The following SOS1 variants were observed in gnomAD, a reference collection of about 807,000 sequenced individuals.
SOS1 encodes SOS Ras/Rac guanine nucleotide exchange factor 1, also known as son of sevenless homolog 1.
Under a neutral mutation model 157.6 loss-of-function variants are expected in SOS1, and 25 were observed. That is an observed-to-expected ratio of 0.16 (90% CI 0.12 to 0.22). The LOEUF is 0.22. Among genes scored for constraint, SOS1 ranks in the 10% least tolerant of loss-of-function variants. SOS1 has a pLI of 1.00. For synonymous variants in SOS1, 528 were observed against 534.0 expected (o/e 0.99, Z 0.16); for missense variants, 1,237 against 1,599.1 (o/e 0.77, Z 3.86).
intron 1 of SOS1, among the ~76,000 whole-genome samples, chr2:39,107,702 T>C (rs959212930): frequency 2.6e-5 from 4 of 151,122 alleles, no homozygotes; most frequent in African/African-American, 9.7e-5. Context: ...TTACATTAAC[T>C]ATTTCTAAAA....
At chr2:39,047,858 G>A (rs867724245) in intron 6 of SOS1, among the ~76,000 whole-genome samples, 12 of 152,124 alleles carry the variant, frequency 7.9e-5, no homozygotes, top group African/African-American at 2.7e-4. Context: ...AATAGAGACA[G>A]GGTTTCACCA....
intron 11 of SOS1, 66 bp downstream of exon 11, chr2:39,014,699 G>C (rs1368110211): frequency 3.6e-6 from 3 of 838,854 alleles, no homozygotes; most frequent in African/African-American, 3.5e-5. Flanking sequence ...TTTCTGAAAA[G>C]GATCTTAGCT....
chr2:39,008,600 G>T (rs778001502), intron 15 of SOS1, among the ~76,000 whole-genome samples: 2 of 152,166 alleles, frequency 1.3e-5, no homozygotes, highest in Non-Finnish European at 2.9e-5. Context: ...ACGGCTGAGA[G>T]GAGCCCTCCT....
chr2:39,041,658 G>C (rs1372564784), intron 6 of SOS1, among the ~76,000 whole-genome samples: 1 of 152,092 alleles, frequency 6.6e-6, no homozygotes, highest in Non-Finnish European at 1.5e-5. Flanking sequence ...ATCTTACATT[G>C]TCTTTGATCC....
chr2:39,071,359 G>A (rs1287511765), intron 1 of SOS1, among the ~76,000 whole-genome samples: 1 of 152,100 alleles, frequency 6.6e-6, no homozygotes, highest in Non-Finnish European at 1.5e-5. Flanking sequence ...TACTTATATA[G>A]TGGGCTTCCA....
At chr2:39,093,412 A>G (rs1200893374) in intron 1 of SOS1, among the ~76,000 whole-genome samples, 1 of 152,226 alleles carries the variant, frequency 6.6e-6, no homozygotes, top group Non-Finnish European at 1.5e-5. Context: ...CACTTCCACC[A>G]AGACATAAGA....
intron 2 of SOS1, among the ~76,000 whole-genome samples, chr2:39,059,333 A>G (rs999158374): frequency 1.3e-5 from 2 of 152,214 alleles, no homozygotes; most frequent in Non-Finnish European, 2.9e-5. Context: ...TAGTTTCTTT[A>G]AAGTCCTCCC....
chr2:39,005,073 G>C (rs1243886671), intron 17 of SOS1, among the ~76,000 whole-genome samples: 2 of 151,958 alleles, frequency 1.3e-5, no homozygotes, highest in African/African-American at 4.8e-5. Flanking sequence ...GATCCCCAGT[G>C]GATACCTGAA....
intron 15 of SOS1, chr2:39,007,481 G>T: frequency 2.8e-6 from 1 of 363,242 alleles, no homozygotes; most frequent in East Asian, 5.5e-5. Flanking sequence ...ACTATCTTGT[G>T]GAATGTATGG....
chr2:38,995,687 T>C (rs1302584291), intron 19 of SOS1, among the ~76,000 whole-genome samples: 1 of 152,220 alleles, frequency 6.6e-6, no homozygotes, highest in Non-Finnish European at 1.5e-5. Flanking sequence ...ATGTATTGTA[T>C]ATTTCCCTGG....
At chr2:39,024,587 G>A (rs1400422744) in intron 8 of SOS1, among the ~76,000 whole-genome samples, 1 of 151,906 alleles carries the variant, frequency 6.6e-6, no homozygotes, top group Non-Finnish European at 1.5e-5. Flanking sequence ...AGAGAACGAT[G>A]CAATATAGTA....
chr2:39,124,147 T>A (rs1219941498), upstream of SOS1: 2 of 152,308 alleles, frequency 1.3e-5, no homozygotes, highest in Non-Finnish European at 2.9e-5. Context: ...CCATCACCCC[T>A]GTACTGCTTG....
intron 1 of SOS1, among the ~76,000 whole-genome samples, chr2:39,115,246 C>G (rs890560964): frequency 2.0e-5 from 3 of 152,058 alleles, no homozygotes; most frequent in Non-Finnish European, 2.9e-5. Flanking sequence ...TAAAAAGCCT[C>G]TCCCTAAACA....
Position 39,035,315 on chromosome 2 carries a change from A to T in SOS1, c.976-5T>A. The T allele has an allele frequency of 6.2e-7, 1 of 1,609,030 alleles. No homozygotes were observed. On this transcript the variant is annotated splice_polypyrimidine_tract_variant and splice_region_variant and intron_variant, in intron 7 of 22. Transcript: ENST00000402219. ...TTTGAAACCTTCGCCTATTGACTGG[A>T]AAAAAAAGTGATTTAATTTTTTTTT... is the stretch of plus-strand genomic sequence containing the variant.
intron 1 of SOS1, among the ~76,000 whole-genome samples, chr2:39,114,388 C>G (rs1051953040): frequency 6.6e-6 from 1 of 151,880 alleles, no homozygotes; most frequent in South Asian, 2.1e-4. Flanking sequence ...ACCATAACCT[C>G]TGCCTCCTGG....
Position 39,014,813 on chromosome 2 carries a change from T to A in SOS1, c.1892A>T (p.Tyr631Phe), listed in dbSNP as rs770664679. ...PNFVRTFLTT[Y>F]RSFCKPQELL... ...TTCTTGAGGTTTGCAAAAGGATCTG[T>A]ATGTTGTAAGAAATGTCCGAACAAA... The change falls in exon 11 of 23, where the codon TAC becomes TTC. Residue 631 changes from tyrosine to phenylalanine, a missense_variant. Physicochemically the swap from Tyr to Phe is conservative, Grantham distance 22 (BLOSUM62 3). This residue lies in a region of SOS1 where 22 missense variants were observed against 46.3 expected (regional missense o/e 0.48). Transcript: ENST00000402219. 1.2e-6 allele frequency: 2 copies of A among 1,601,414 alleles called. No homozygotes were observed. Among genetic ancestry groups the A allele is most frequent in the East Asian group, 4.5e-5 (2 of 44,664 alleles).
chr2:39,124,025 C>T (rs962112712), upstream of SOS1: 2 of 152,276 alleles, frequency 1.3e-5, no homozygotes, highest in African/African-American at 4.8e-5. Context: ...CCGTTTGGGC[C>T]GTAGACAGGG....
At chr2:39,038,431 A>T (rs555388561) in intron 6 of SOS1, among the ~76,000 whole-genome samples, 1 of 152,090 alleles carries the variant, frequency 6.6e-6, no homozygotes, top group Admixed American at 6.6e-5. Context: ...CTTCTTATGG[A>T]TGAGCAAAGA....
At chr2:39,089,451 G>C (rs777693726) in intron 1 of SOS1, among the ~76,000 whole-genome samples, 14 of 149,542 alleles carry the variant, frequency 9.4e-5, no homozygotes, top group Non-Finnish European at 1.6e-4. Context: ...AGAATTGCTT[G>C]AGCCTGGGAG....
Sources: allele counts gnomAD v4.1 joint callset (sites outside exome capture counted in the v4.1 genomes callset), GRCh38; gene constraint gnomAD v4.1.1; regional missense constraint gnomAD v4.1.1; transcripts MANE v1.5; gene names NCBI Gene and HGNC (gene_info 2026-07-23, HGNC 2026-07-21).